Variants in CCNI observed in about 807,000 individuals in gnomAD.
The protein encoded by CCNI is cyclin I.
Under a neutral mutation model 34.1 loss-of-function variants are expected in CCNI, and 14 were observed. The ratio of observed to expected loss-of-function variants is 0.41; its 90% CI spans 0.27 to 0.64. The LOEUF (loss-of-function observed/expected upper bound fraction) is 0.64, where lower values mean the gene tolerates loss of function less well. CCNI is among the 30% of genes least tolerant of loss of function. The pLI is 0.31. For synonymous variants in CCNI, 154 were observed against 158.4 expected, an observed-to-expected ratio of 0.97 and a Z score of 0.21; for missense variants, 385 against 440.5, an observed-to-expected ratio of 0.87 and a Z score of 1.13.
intron 6 of CCNI, 41 bp downstream of exon 6, chr4:77,055,109 A>C (rs750232012): frequency 7.3e-7 from 1 of 1,373,202 alleles, no homozygotes; most frequent in South Asian, 1.2e-5. Flanking sequence ...CAATAATAGA[A>C]AAACTTAAAA....
At chr4:77,058,755 G>C (rs1415683484) in intron 2 of CCNI, 120 bp from the exon 3 acceptor site, 14 of 786,746 alleles carry the variant, frequency 1.8e-5, no homozygotes, top group Non-Finnish European at 2.6e-5. Context: ...AAATGTTAAG[G>C]TTATTCAAAA....
chr4:77,053,719 T>A lies in CCNI; in HGVS notation c.690+1431A>T, dbSNP rs546107890. Among the ~76,000 whole-genome samples the A allele has an allele frequency of 6.3e-4, 96 of 152,316 alleles. 1 individual carries two copies. The highest frequency in any genetic ancestry group is 2.3e-3 in the African/African-American group (96 of 41,580). ...ATTTGTTCCAATAAAAATAATGTAA[T>A]GTAGGAGGTTTTCTATTAAGCCTAT... On this transcript the variant is annotated intron_variant, in intron 6 of 6. Coordinates refer to ENST00000237654, the MANE Select transcript of CCNI (RefSeq NM_006835.3).
intron 1 of CCNI, among the ~76,000 whole-genome samples, chr4:77,074,566 T>A (rs1247123045): frequency 6.6e-6 from 1 of 152,104 alleles, no homozygotes; most frequent in Non-Finnish European, 1.5e-5. Flanking sequence ...GGAGTCTCAG[T>A]TTTCCTCATC....
chr4:77,070,081 G>T (rs981649036), intron 1 of CCNI, among the ~76,000 whole-genome samples: 3 of 147,418 alleles, frequency 2.0e-5, no homozygotes, highest in Admixed American at 6.9e-5. Context: ...GTAGTGGCAC[G>T]ATCTCGGCTC....
At chr4:77,063,160 G>A (rs1209035736) in intron 2 of CCNI, among the ~76,000 whole-genome samples, 2 of 151,952 alleles carry the variant, frequency 1.3e-5, no homozygotes, top group Middle Eastern at 6.3e-3. Context: ...TGGGGATAGG[G>A]GATGCAAATT....
chr4:77,051,179 A>C (rs1727800485), intron 6 of CCNI, among the ~76,000 whole-genome samples: 1 of 152,192 alleles, frequency 6.6e-6, no homozygotes, highest in Non-Finnish European at 1.5e-5. Flanking sequence ...TTTCTTCCTG[A>C]ATATTTTCAA....
chr4:77,069,086 T>C (rs899921723), intron 1 of CCNI, among the ~76,000 whole-genome samples: 2 of 152,214 alleles, frequency 1.3e-5, no homozygotes, highest in African/African-American at 4.8e-5. Context: ...TCTTTAATCA[T>C]GTCATAAAGC....
chr4:77,060,130 A>G (rs1207417697), intron 2 of CCNI, among the ~76,000 whole-genome samples: 4 of 152,170 alleles, frequency 2.6e-5, no homozygotes, highest in Non-Finnish European at 5.9e-5. Flanking sequence ...GACAGATTAC[A>G]TTAAATAATG....
chr4:77,050,116 T>C (rs1160633096), intron 6 of CCNI, among the ~76,000 whole-genome samples: 3 of 152,204 alleles, frequency 2.0e-5, no homozygotes, highest in Admixed American at 1.3e-4. Context: ...TCCTGCTCTA[T>C]ATGATGCACT....
intron 5 of CCNI, among the ~76,000 whole-genome samples, 154 bp from the exon 6 acceptor site, chr4:77,055,534 C>A (rs1228538049): frequency 6.7e-6 from 1 of 149,678 alleles, no homozygotes; most frequent in African/African-American, 2.5e-5. Flanking sequence ...ATGATCTCAA[C>A]TCACTGCAAC....
At chr4:77,064,679 CTT>C (rs78871457) in intron 2 of CCNI, 30 of 138,302 alleles carry the variant, frequency 2.2e-4, no homozygotes, top group Admixed American at 4.3e-4. Context: ...AATTTTTTTT[CTT>C]TTTTTTTTTT....
intron 1 of CCNI, among the ~76,000 whole-genome samples, chr4:77,071,564 A>AAGCT (rs1221530146): frequency 6.6e-6 from 1 of 152,242 alleles, no homozygotes; most frequent in East Asian, 1.9e-4. Flanking sequence ...ATGAAACCAG[A>AAGCT]AGCTGATTGT....
chr4:77,061,706 G>A (rs547203321), intron 2 of CCNI, among the ~76,000 whole-genome samples: 2 of 152,028 alleles, frequency 1.3e-5, no homozygotes, highest in Non-Finnish European at 2.9e-5. Context: ...GTCTTGCTCT[G>A]TCACCCAGGC....
chr4:77,069,438 T>C (rs1729293462), intron 1 of CCNI, among the ~76,000 whole-genome samples: 1 of 143,786 alleles, frequency 7.0e-6, no homozygotes, highest in Non-Finnish European at 1.5e-5. Flanking sequence ...TTTATATATA[T>C]ATATTTTTTT....
chr4:77,063,343 G>GA (rs1728750245), intron 2 of CCNI, among the ~76,000 whole-genome samples: 12 of 74,048 alleles, frequency 1.6e-4, no homozygotes, highest in Non-Finnish European at 2.6e-4. Context: ...GGAAAGGGAG[G>GA]TAAAAAAAAA....
At chr4:77,065,464 C>T (rs536344043) in intron 2 of CCNI, among the ~76,000 whole-genome samples, 36 of 152,226 alleles carry the variant, frequency 2.4e-4, no homozygotes, top group Non-Finnish European at 4.6e-4. Context: ...AAAAGAAAAA[C>T]TATGCAGCTA....
At chr4:77,071,837 GAAAA>G (rs1390784221) in intron 1 of CCNI, among the ~76,000 whole-genome samples, 1 of 151,626 alleles carries the variant, frequency 6.6e-6, no homozygotes, top group Non-Finnish European at 1.5e-5. Flanking sequence ...AACAAAAACA[GAAAA>G]AAAGAAAGAA....
chr4:77,071,067 C>T (rs1729431661), intron 1 of CCNI, among the ~76,000 whole-genome samples: 1 of 152,170 alleles, frequency 6.6e-6, no homozygotes, highest in Admixed American at 6.5e-5. Flanking sequence ...TCACTAGTGA[C>T]TCAAGTTCCT....
At chr4:77,057,666 A>G (rs1009976489) in intron 3 of CCNI, among the ~76,000 whole-genome samples, 3 of 152,230 alleles carry the variant, frequency 2.0e-5, no homozygotes, top group African/African-American at 7.2e-5. Context: ...GACACAGCCA[A>G]TGACATGGCA....
Sources: allele counts gnomAD v4.1 joint callset (sites outside exome capture counted in the v4.1 genomes callset), GRCh38; gene constraint gnomAD v4.1.1; transcripts MANE v1.5; gene names NCBI Gene and HGNC (gene_info 2026-07-23, HGNC 2026-07-21).